Variants in RANBP2 observed in about 807,000 individuals in gnomAD.
RANBP2 encodes E3 SUMO-protein ligase RanBP2.
Under a neutral mutation model 303.6 loss-of-function variants are expected in RANBP2, and 57 were observed. The observed-to-expected ratio is 0.19, with a 90% confidence interval of 0.15 to 0.23. The LOEUF (loss-of-function observed/expected upper bound fraction) is 0.23, where lower values mean the gene tolerates loss of function less well. RANBP2 is among the 10% of genes least tolerant of loss of function. The pLI is 1.00. For missense variants in RANBP2, 3,138 were observed against 3,780.8 expected (o/e 0.83, Z 4.46); for synonymous variants, 1,167 against 1,301.5 (o/e 0.90, Z 2.23).
the RANBP2 span, among the ~76,000 whole-genome samples, chr2:109,381,911 G>A: frequency 6.6e-6 from 1 of 152,088 alleles, no homozygotes; most frequent in African/African-American, 2.4e-5. Flanking sequence ...AAACATGTAC[G>A]TAACACACAT....
At chr2:109,647,890 A>G in the RANBP2 span, among the ~76,000 whole-genome samples, 1 of 152,248 alleles carries the variant, frequency 6.6e-6, no homozygotes, top group African/African-American at 2.4e-5. Flanking sequence ...AACAAGCATC[A>G]TTCCACAAAT....
the RANBP2 span, among the ~76,000 whole-genome samples, chr2:109,739,112 A>G: frequency 1.5e-5 from 2 of 129,242 alleles, no homozygotes; most frequent in African/African-American, 6.2e-5. Context: ...CCATTGGTCT[A>G]TGTACATGGT....
chr2:108,859,712 A>T, the RANBP2 span, among the ~76,000 whole-genome samples: 4 of 152,220 alleles, frequency 2.6e-5, 1 homozygote, highest in East Asian at 1.9e-4. Flanking sequence ...GCCTTGTAGT[A>T]TAGTTTGAAG....
the RANBP2 span, among the ~76,000 whole-genome samples, chr2:108,812,150 T>C: frequency 7.9e-5 from 12 of 152,256 alleles, no homozygotes; most frequent in Non-Finnish European, 1.3e-4. Context: ...ATTGAAGATA[T>C]GTTCATGGAT....
the RANBP2 span, among the ~76,000 whole-genome samples, chr2:108,808,655 C>T: frequency 3.3e-5 from 5 of 152,148 alleles, no homozygotes; most frequent in East Asian, 3.9e-4. Flanking sequence ...GTTTGTATGC[C>T]TTTGTTTGAG....
intron 17 of RANBP2, among the ~76,000 whole-genome samples, chr2:108,756,545 T>C (rs560439337): frequency 3.3e-5 from 5 of 152,324 alleles, no homozygotes; most frequent in Admixed American, 3.3e-4. Flanking sequence ...GGGGAAGACA[T>C]TTTTGAATTT....
the RANBP2 span, among the ~76,000 whole-genome samples, chr2:108,922,993 T>C: frequency 2.0e-5 from 3 of 152,346 alleles, no homozygotes; most frequent in Non-Finnish European, 1.5e-5. Flanking sequence ...CACTTTGTAG[T>C]ACTTTGCAAA....
At chr2:109,662,728 T>C in the RANBP2 span, among the ~76,000 whole-genome samples, 1 of 152,184 alleles carries the variant, frequency 6.6e-6, no homozygotes, top group Non-Finnish European at 1.5e-5. Context: ...CTATATTTCA[T>C]AGGTGTTTCC....
chr2:109,389,360 C>T, the RANBP2 span, among the ~76,000 whole-genome samples: 61 of 152,316 alleles, frequency 4.0e-4, no homozygotes, highest in African/African-American at 1.2e-3. Flanking sequence ...CCCTGGGTGC[C>T]GACAGCTTTC....
chr2:109,636,880 T>A, the RANBP2 span, among the ~76,000 whole-genome samples: 1 of 151,994 alleles, frequency 6.6e-6, no homozygotes, highest in African/African-American at 2.4e-5. Context: ...GTATTTCTAG[T>A]CGGGTGGGAC....
the RANBP2 span, among the ~76,000 whole-genome samples, chr2:109,577,598 TAA>T: frequency 6.0e-5 from 8 of 133,244 alleles, no homozygotes; most frequent in Non-Finnish European, 8.0e-5. Flanking sequence ...CCTCAAAATT[TAA>T]AAAAAAAAAA....
At chr2:109,128,368 AG>A in the RANBP2 span, 5 of 152,096 alleles carry the variant, frequency 3.3e-5, no homozygotes, top group Non-Finnish European at 7.4e-5. Flanking sequence ...CGGGCGCTAG[AG>A]CCCCTCGCAC....
At chr2:109,631,079 A>T in the RANBP2 span, among the ~76,000 whole-genome samples, 2 of 152,102 alleles carry the variant, frequency 1.3e-5, no homozygotes, top group African/African-American at 4.8e-5. Context: ...AACAATAAAC[A>T]AACAACAGAA....
chr2:109,082,971 A>G, the RANBP2 span, among the ~76,000 whole-genome samples: 1 of 152,068 alleles, frequency 6.6e-6, no homozygotes, highest in Non-Finnish European at 1.5e-5. Flanking sequence ...GACTACAGGC[A>G]TCTGCCACCA....
chr2:109,436,944 T>C, the RANBP2 span: 1 of 1,613,768 alleles, frequency 6.2e-7, no homozygotes, highest in Non-Finnish European at 8.5e-7. Context: ...TCGGAGGGTC[T>C]CCACTGGCCA....
chr2:109,718,939 G>A, the RANBP2 span, among the ~76,000 whole-genome samples: 1 of 144,898 alleles, frequency 6.9e-6, no homozygotes, highest in African/African-American at 2.5e-5. Flanking sequence ...GAACCAGGGA[G>A]TCAGAGGTTG....
chr2:109,199,628 G>GTTCC, the RANBP2 span, among the ~76,000 whole-genome samples: 2 of 98 alleles, frequency 0.02, no homozygotes, highest in Non-Finnish European at 0.045. Context: ...GGAATGGAAT[G>GTTCC]GAATGGAATG....
the RANBP2 span, chr2:109,585,434 G>A: frequency 1.2e-5 from 11 of 894,312 alleles, no homozygotes; most frequent in Admixed American, 8.0e-5. Context: ...GCCAGGGTGC[G>A]CATGAAAGAA....
the RANBP2 span, chr2:108,791,716 A>G: frequency 1.9e-5 from 31 of 1,606,632 alleles, no homozygotes; most frequent in Non-Finnish European, 2.5e-5. Context: ...TTGAAGAAAC[A>G]GGAAACAGAA....
Sources: allele counts gnomAD v4.1 joint callset (sites outside exome capture counted in the v4.1 genomes callset), GRCh38; gene constraint gnomAD v4.1.1; transcripts MANE v1.5; gene names NCBI Gene and HGNC (gene_info 2026-07-23, HGNC 2026-07-21).